ABCC4: variants seen among roughly 807,000 people sequenced by gnomAD.
ABCC4 encodes ATP binding cassette subfamily C member 4 (PEL blood group), also known as ATP-binding cassette sub-family C member 4.
A neutral mutation model predicts 168.5 loss-of-function variants in ABCC4; 102 were observed. The ratio of observed to expected loss-of-function variants is 0.61; its 90% CI spans 0.52 to 0.71. The LOEUF (loss-of-function observed/expected upper bound fraction) is 0.71. Ranked by LOEUF, ABCC4 falls within the 30% of genes least tolerant of loss-of-function variation. The probability of loss-of-function intolerance (pLI) is 0.00; values close to 1 mark genes in which losing one functional copy is unlikely to be tolerated. For missense variants in ABCC4, 1,402 were observed against 1,605.8 expected (o/e 0.87, Z 2.17); for synonymous variants, 617 against 590.7 (o/e 1.04, Z -0.65).
intron 27 of ABCC4, among the ~76,000 whole-genome samples, chr13:95,044,768 A>C (rs1345125558): frequency 1.3e-5 from 2 of 152,260 alleles, no homozygotes; most frequent in African/African-American, 4.8e-5. Context: ...GATCAATAAA[A>C]GTATTCTGTA....
intron 21 of ABCC4, among the ~76,000 whole-genome samples, chr13:95,081,070 G>A (rs1231773030): frequency 2.7e-5 from 4 of 147,076 alleles, no homozygotes; most frequent in African/African-American, 7.3e-5. Context: ...TGATCTGAGC[G>A]CATGGAGAAA....
rs534933397 is a variant in ABCC4, at chr13:95,047,719, G to A, written c.3457-3281C>T. Among the ~76,000 whole-genome samples the A allele has an allele frequency of 1.1e-4, 17 of 152,010 alleles. No homozygotes were observed. In the East Asian group the frequency reaches 1.2e-3, roughly 10 times the overall value. ...AGGATGGTCTCGATCTCCTGACCTC[G>A]TGATCCACCCGCCTCGGCCTCCCAA... On this transcript the variant is annotated intron_variant, in intron 27 of 30. Transcript: ENST00000645237.
At position 95,179,709 on chromosome 13, in the gene ABCC4, T is replaced by C. The variant is rs144556212; in HGVS notation, c.1546-1618A>G. On this transcript the variant is annotated intron_variant, in intron 11 of 30. Coordinates refer to ENST00000645237, the MANE Select transcript of ABCC4 (RefSeq NM_005845.5). ...TGACTGAGCTGCATAAGCATCAACC[T>C]AGGACACTACAGAGATAGCCCTCTT... is the stretch of plus-strand genomic sequence containing the variant. Among the ~76,000 whole-genome samples, 615 of 152,254 alleles carry C rather than the reference T, an allele frequency of 4.0e-3. 6 individuals carry two copies. Among genetic ancestry groups the C allele is most frequent in the African/African-American group, 0.014 (585 of 41,546 alleles).
chr13:95,073,151 C>A, intron 24 of ABCC4, 53 bp downstream of exon 24: 1 of 1,419,128 alleles, frequency 7.0e-7, no homozygotes, highest in Non-Finnish European at 9.9e-7. Context: ...GGCTTTTATA[C>A]CATTTAATGG....
chr13:95,152,437 A>G (rs897868197), intron 19 of ABCC4, among the ~76,000 whole-genome samples: 1 of 152,172 alleles, frequency 6.6e-6, no homozygotes, highest in Non-Finnish European at 1.5e-5. Flanking sequence ...AGTGTATCCA[A>G]TCCTGGGCTC....
At chr13:95,096,588 C>A (rs2034606356) in intron 20 of ABCC4, among the ~76,000 whole-genome samples, 1 of 151,454 alleles carries the variant, frequency 6.6e-6, no homozygotes, top group South Asian at 2.1e-4. Flanking sequence ...TATAGTGCAA[C>A]AAGCATAATA....
chr13:95,172,381 A>G (rs2037506472), intron 13 of ABCC4, among the ~76,000 whole-genome samples: 1 of 152,070 alleles, frequency 6.6e-6, no homozygotes, highest in Non-Finnish European at 1.5e-5. Flanking sequence ...CGGGAGTTCA[A>G]GCAACACGGT....
chr13:95,090,452 ACT>A (rs2034395727), intron 20 of ABCC4, among the ~76,000 whole-genome samples: 1 of 152,022 alleles, frequency 6.6e-6, no homozygotes, highest in East Asian at 1.9e-4. Context: ...ACATCACAGG[ACT>A]CTCTGCAGAC....
chr13:95,301,355 C>G lies in ABCC4; in HGVS notation c.-41G>C. The G allele has an allele frequency of 6.5e-7, 1 of 1,537,588 alleles. No individual in the cohort carries two copies. Among genetic ancestry groups the G allele is most frequent in the Non-Finnish European group, 8.8e-7 (1 of 1,141,626 alleles). ...GGGCGCGGGCCGGGGTCGCGCTGAT[C>G]AGGCGGCGGTGGCCGCGGGCTCCGC... On this transcript the variant is annotated 5_prime_UTR_variant, in exon 1 of 31. Transcript: ENST00000645237.
chr13:95,251,329 C>A (rs1368799259), intron 1 of ABCC4, among the ~76,000 whole-genome samples: 1 of 152,170 alleles, frequency 6.6e-6, no homozygotes, highest in Non-Finnish European at 1.5e-5. Context: ...CTTTCTATTT[C>A]TCTTCTCCTC....
At chr13:95,273,477 G>A (rs1405860665) in intron 1 of ABCC4, among the ~76,000 whole-genome samples, 2 of 152,172 alleles carry the variant, frequency 1.3e-5, no homozygotes, top group African/African-American at 2.4e-5. Context: ...CAGTTCCCTG[G>A]AGGAGCAGAT....
At chr13:95,241,134 G>A (rs1296363589) in intron 3 of ABCC4, among the ~76,000 whole-genome samples, 4 of 151,964 alleles carry the variant, frequency 2.6e-5, no homozygotes, top group East Asian at 1.9e-4. Flanking sequence ...GGAGGCCAAG[G>A]TGGGTGAATC....
intron 4 of ABCC4, among the ~76,000 whole-genome samples, chr13:95,218,974 AAAG>A (rs2039222818): frequency 4.8e-5 from 2 of 41,548 alleles, no homozygotes; most frequent in East Asian, 3.6e-4. Context: ...AGAAAGAAAG[AAAG>A]AAAGAAAGAG....
At chr13:95,076,672 C>A (rs1416087931) in intron 21 of ABCC4, among the ~76,000 whole-genome samples, 1 of 152,124 alleles carries the variant, frequency 6.6e-6, no homozygotes, top group Non-Finnish European at 1.5e-5. Context: ...GCCATCTTGG[C>A]CAGGCTGGTC....
In ABCC4 at chr13:95,243,584, G is replaced by A. The variant is rs150747842; in HGVS notation, c.306+3391C>T. On this transcript the variant is annotated intron_variant, in intron 3 of 30. Coordinates refer to ENST00000645237, the MANE Select transcript of ABCC4 (RefSeq NM_005845.5). ...GAGGATGGTACTCAGTGGGAGACAG[G>A]TTTCTAAAGGGTTCTTGGTCAGCCA... Among the ~76,000 whole-genome samples the A allele has an allele frequency of 8.6e-5, 13 of 150,962 alleles. No homozygotes were observed. The East Asian group carries it at 2.3e-3, about 27-fold the overall frequency.
chr13:95,078,586 G>C (rs2033987410), intron 21 of ABCC4, among the ~76,000 whole-genome samples: 1 of 152,190 alleles, frequency 6.6e-6, no homozygotes, highest in African/African-American at 2.4e-5. Context: ...AAGGCTGGAT[G>C]TTCTGCACAG....
In ABCC4 at chr13:95,142,822, C is replaced by T. The variant is rs181073008; in HGVS notation, c.2455+18367G>A. On this transcript the variant is annotated intron_variant, in intron 19 of 30. Coordinates refer to ENST00000645237, the MANE Select transcript of ABCC4 (RefSeq NM_005845.5). ...AGAAGATTTATGAAACGCTATTTTC[C>T]GCAAATTTCCAAATACTGTTTGACT... 9.2e-5 allele frequency among the ~76,000 whole-genome samples: 14 copies of T among 152,066 alleles called. No individual in the cohort carries two copies. The East Asian group carries it at 1.9e-3, about 21-fold the overall frequency.
At chr13:95,075,651 C>T (rs978001248) in intron 21 of ABCC4, 100 bp from the exon 22 acceptor site, 5 of 1,507,988 alleles carry the variant, frequency 3.3e-6, no homozygotes, top group Non-Finnish European at 4.5e-6. Flanking sequence ...ACAGCACACG[C>T]AGGCCTCCTA....
At chr13:95,099,480 T>A (rs2034722205) in intron 20 of ABCC4, among the ~76,000 whole-genome samples, 1 of 152,132 alleles carries the variant, frequency 6.6e-6, no homozygotes, top group African/African-American at 2.4e-5. Flanking sequence ...TTATTGTATA[T>A]AAACTATACC....
Sources: allele counts gnomAD v4.1 joint callset (sites outside exome capture counted in the v4.1 genomes callset), GRCh38; gene constraint gnomAD v4.1.1; transcripts MANE v1.5; gene names NCBI Gene and HGNC (gene_info 2026-07-23, HGNC 2026-07-21).